SLC8A1: variants seen among roughly 807,000 people sequenced by gnomAD.
SLC8A1 encodes the protein solute carrier family 8 member A1, also known as sodium/calcium exchanger 1.
A neutral mutation model predicts 68.3 loss-of-function variants in SLC8A1; 18 were observed. The observed-to-expected ratio is 0.26, with a 90% CI of 0.18 to 0.39. The LOEUF (loss-of-function observed/expected upper bound fraction) is 0.39, where lower values mean the gene tolerates loss of function less well. SLC8A1 is among the 10% of genes least tolerant of loss of function. The pLI, the probability that SLC8A1 is intolerant of heterozygous loss-of-function variation, is 1.00. For synonymous variants in SLC8A1, 475 were observed against 415.5 expected (o/e 1.14, Z -1.74); for missense variants, 985 against 1,156.7 (o/e 0.85, Z 2.15).
chr2:40,208,652 G>A (rs566054620), intron 2 of SLC8A1, among the ~76,000 whole-genome samples: 11 of 152,120 alleles, frequency 7.2e-5, no homozygotes, highest in Non-Finnish European at 1.3e-4. Flanking sequence ...TCTGCTCTAT[G>A]ATCCTATAAA....
intron 6 of SLC8A1, among the ~76,000 whole-genome samples, chr2:40,149,168 T>A (rs1465338916): frequency 2.0e-5 from 3 of 152,218 alleles, no homozygotes; most frequent in Non-Finnish European, 2.9e-5. Context: ...ACCCCTAACC[T>A]GGACCTCTAG....
At chr2:40,259,509 T>C (rs2149087579) in intron 2 of SLC8A1, among the ~76,000 whole-genome samples, 1 of 152,274 alleles carries the variant, frequency 6.6e-6, no homozygotes, top group East Asian at 1.9e-4. Flanking sequence ...AAAAATAGGG[T>C]CTCATTCTGT....
intron 1 of SLC8A1, among the ~76,000 whole-genome samples, chr2:40,466,802 G>A (rs1703700700): frequency 6.6e-6 from 1 of 152,032 alleles, no homozygotes; most frequent in South Asian, 2.1e-4. Context: ...CTTGGACTCT[G>A]TATTTCCAAT....
chr2:40,151,638 T>C (rs1432757866), intron 6 of SLC8A1, among the ~76,000 whole-genome samples: 1 of 152,192 alleles, frequency 6.6e-6, no homozygotes, highest in Non-Finnish European at 1.5e-5. Context: ...TTTAGTCACC[T>C]GAGTTGACTG....
chr2:40,148,298 G>C (rs1008555934), intron 6 of SLC8A1, among the ~76,000 whole-genome samples: 5 of 152,144 alleles, frequency 3.3e-5, no homozygotes, highest in Non-Finnish European at 7.3e-5. Flanking sequence ...GCCTCATTGG[G>C]AAGTGGGATT....
intron 1 of SLC8A1, among the ~76,000 whole-genome samples, chr2:40,470,691 C>A (rs1359579625): frequency 5.9e-5 from 9 of 151,882 alleles, no homozygotes; most frequent in African/African-American, 1.9e-4. Flanking sequence ...TATCCCTCAA[C>A]TGATATGTGT....
At chr2:40,408,958 G>A (rs1415755581) in intron 2 of SLC8A1, among the ~76,000 whole-genome samples, 3 of 151,782 alleles carry the variant, frequency 2.0e-5, no homozygotes, top group Non-Finnish European at 2.9e-5. Flanking sequence ...AAATTTTCTC[G>A]GTAACTGTAA....
chr2:40,098,428 A>C (rs966055564), exon 8 of SLC8A1: 1 of 152,022 alleles, frequency 6.6e-6, no homozygotes, highest in Admixed American at 6.6e-5. Flanking sequence ...TAGTCTGTCA[A>C]CCTTCTGTAC....
At chr2:40,299,636 C>T (rs2071060278) in intron 2 of SLC8A1, among the ~76,000 whole-genome samples, 1 of 152,152 alleles carries the variant, frequency 6.6e-6, no homozygotes, top group East Asian at 1.9e-4. Flanking sequence ...AATCTGGGGA[C>T]TGGGTTCTTT....
chr2:40,499,782 T>C (rs182229668), intron 1 of SLC8A1, among the ~76,000 whole-genome samples: 25 of 152,250 alleles, frequency 1.6e-4, no homozygotes, highest in Admixed American at 7.9e-4. Context: ...TGTCTCTGAC[T>C]TCTGTGTCAA....
rs146660847 is a variant in SLC8A1 at position 40,307,455 on chromosome 2, T to C, written c.1808+121018A>G. 1.1e-4 allele frequency among the ~76,000 whole-genome samples: 16 copies of C among 152,346 alleles called. No homozygotes were observed. The East Asian group carries it at 3.1e-3, about 29-fold the overall frequency. ...GTAAGACAAAAAAGTTCTGGAGATC[T>C]GTTCCGCAATGATGTGAATATACTT... On this transcript the variant is annotated intron_variant, in intron 2 of 7. Coordinates refer to ENST00000406785, the Ensembl canonical transcript of SLC8A1.
chr2:40,188,488 C>A (rs972807300), intron 2 of SLC8A1, among the ~76,000 whole-genome samples: 1 of 152,224 alleles, frequency 6.6e-6, no homozygotes, highest in African/African-American at 2.4e-5. Flanking sequence ...GGTTGCCCAA[C>A]CTTTTCAAAA....
At position 40,284,457 on chromosome 2, in the gene SLC8A1, A is replaced by G. The variant is rs893836489; in HGVS notation, c.1809-106602T>C. Among the ~76,000 whole-genome samples the G allele has an allele frequency of 1.2e-4, 17 of 147,052 alleles. No individual in the cohort carries two copies. In the East Asian group the frequency reaches 2.4e-3, roughly 20 times the overall value. On this transcript the variant is annotated intron_variant, in intron 2 of 7. Transcript: ENST00000406785. ...TATATCTATATATAAATGTATATCT[A>G]TAGATATATATCTATAGATATGTAT...
intron 6 of SLC8A1, among the ~76,000 whole-genome samples, chr2:40,146,519 A>G (rs2042489166): frequency 6.6e-6 from 1 of 152,084 alleles, no homozygotes; most frequent in Admixed American, 6.6e-5. Flanking sequence ...ATTCAAGCAC[A>G]TTACATGTAT....
At chr2:40,304,350 C>T (rs2072150755) in intron 2 of SLC8A1, among the ~76,000 whole-genome samples, 1 of 152,204 alleles carries the variant, frequency 6.6e-6, no homozygotes, top group South Asian at 2.1e-4. Context: ...ACACATCACC[C>T]TGTTATAGAC....
Position 40,148,712 on chromosome 2 carries a change from A to G in SLC8A1, c.2162-9036T>C, listed in dbSNP as rs10184741. ...CAGTTTCTCCTTCTGGAAAATGGGC[A>G]TAGTCAAAACCAACTTTCTCTTTTG... On this transcript the variant is annotated intron_variant, in intron 6 of 7. Transcript: ENST00000406785. Among the ~76,000 whole-genome samples the G allele has an allele frequency of 9.0e-3, 1,371 of 152,356 alleles. 13 individuals carry two copies. The highest frequency in any genetic ancestry group is 0.018 in the South Asian group (88 of 4,832).
At chr2:40,158,890 T>C (rs985979656) in intron 6 of SLC8A1, among the ~76,000 whole-genome samples, 1 of 152,222 alleles carries the variant, frequency 6.6e-6, no homozygotes, top group African/African-American at 2.4e-5. Flanking sequence ...AACATCTTTA[T>C]AGTTGTTTCT....
chr2:40,125,766 A>G (rs995097640), intron 7 of SLC8A1, among the ~76,000 whole-genome samples: 3 of 152,088 alleles, frequency 2.0e-5, no homozygotes, highest in African/African-American at 7.2e-5. Flanking sequence ...AAAAGAAAAG[A>G]AAAAAAGGCA....
rs77589369 is a variant in SLC8A1, at chr2:40,490,488, T to C, written c.-25+21861A>G. Among the ~76,000 whole-genome samples, 39 of 152,250 alleles carry C rather than the reference T, an allele frequency of 2.6e-4. No individual in the cohort carries two copies. The East Asian group carries it at 7.0e-3, about 27-fold the overall frequency. On this transcript the variant is annotated intron_variant, in intron 1 of 7. Coordinates refer to the SLC8A1 transcript ENST00000402441. ...TATAAATATATTAACTTAAGACTGA[T>C]AAGAACCCAGTATTTCAATAAGTTT...
Sources: gnomAD v4.1 joint callset for allele counts (sites outside exome capture counted in the v4.1 genomes callset) on GRCh38, gnomAD v4.1.1 for gene constraint, MANE v1.5 for transcripts, NCBI Gene and HGNC (gene_info 2026-07-23, HGNC 2026-07-21) for gene names.